Variants in PDILT observed in about 807,000 individuals in gnomAD.
The protein encoded by PDILT is protein disulfide isomerase like, testis expressed.
PDILT carries 43 observed loss-of-function variants against 53.7 expected under a neutral mutation model. That is an observed-to-expected ratio of 0.80 (90% confidence interval 0.63 to 1.03). The LOEUF (loss-of-function observed/expected upper bound fraction) is 1.03, where lower values mean the gene tolerates loss of function less well. Ranked by LOEUF, PDILT falls within the 50% of genes least tolerant of loss-of-function variation. The pLI, the probability that PDILT is intolerant of heterozygous loss-of-function variation, is 0.00. For synonymous variants in PDILT, 282 were observed against 274.2 expected (o/e 1.03, Z -0.28); for missense variants, 727 against 712.3 (o/e 1.02, Z -0.24).
intron 9 of PDILT, among the ~76,000 whole-genome samples, chr16:20,364,119 T>A (rs1471088238): frequency 6.6e-6 from 1 of 152,240 alleles, no homozygotes; most frequent in African/African-American, 2.4e-5. Flanking sequence ...GGGGGCATAA[T>A]GGCTGCAGCC....
intron 9 of PDILT, among the ~76,000 whole-genome samples, chr16:20,365,190 C>T (rs1966171314): frequency 6.6e-6 from 1 of 152,126 alleles, no homozygotes; most frequent in African/African-American, 2.4e-5. Context: ...CAGCCATAGG[C>T]CTGGGTTATG....
chr16:20,401,482 G>A (rs1192463264), intron 1 of PDILT, among the ~76,000 whole-genome samples: 1 of 152,112 alleles, frequency 6.6e-6, no homozygotes, highest in Non-Finnish European at 1.5e-5. Flanking sequence ...GGTAGGGAGG[G>A]TCACCCAGAA....
intron 8 of PDILT, among the ~76,000 whole-genome samples, chr16:20,366,314 G>T (rs1966191099): frequency 6.6e-6 from 1 of 151,938 alleles, no homozygotes; most frequent in East Asian, 1.9e-4. Flanking sequence ...CTGGCTGACA[G>T]GCCTCCCCAC....
In PDILT at chr16:20,402,115, A is replaced by G. The variant is rs555626987; in HGVS notation, c.-8+2381T>C. Among the ~76,000 whole-genome samples the G allele has an allele frequency of 5.9e-4, 90 of 152,334 alleles. No individual in the cohort carries two copies. In the South Asian group the frequency reaches 0.01, roughly 17 times the overall value. ...TCAAATATTTTTGAAGTCTTAAAAC[A>G]TGTTAAGTACCATTCTAGGTGCTAG... On this transcript the variant is annotated intron_variant, in intron 1 of 11. Transcript: ENST00000302451.
intron 10 of PDILT, 100 bp from the exon 11 acceptor site, chr16:20,360,757 C>T: frequency 1.2e-6 from 1 of 832,814 alleles, no homozygotes; most frequent in African/African-American, 1.7e-5. Flanking sequence ...TCCTAACAAC[C>T]CCGGGTATGT....
chr16:20,366,483 C>T (rs752684037), intron 8 of PDILT, among the ~76,000 whole-genome samples: 14 of 152,108 alleles, frequency 9.2e-5, no homozygotes, highest in East Asian at 1.9e-4. Context: ...CACTTATTCA[C>T]GTTTACTATT....
In PDILT at chr16:20,359,576, G is replaced by T; in HGVS notation, c.1507-9C>A. ...TGCTCAACAGACAACAGCTATGAAA[G>T]CAAAGGTGGAAGGAAGAAGGGAGGG... On this transcript the variant is annotated splice_polypyrimidine_tract_variant and intron_variant, in intron 11 of 11. Coordinates refer to ENST00000302451, the MANE Select transcript of PDILT (RefSeq NM_174924.2). The T allele has an allele frequency of 6.2e-7, 1 of 1,611,434 alleles. No individual in the cohort carries two copies. The highest frequency in any genetic ancestry group is 8.5e-7 in the Non-Finnish European group (1 of 1,177,904).
At chr16:20,385,338 G>A (rs183450166) in intron 2 of PDILT, among the ~76,000 whole-genome samples, 21 of 152,200 alleles carry the variant, frequency 1.4e-4, no homozygotes, top group South Asian at 1.0e-3. Flanking sequence ...ACTTACTTGC[G>A]CAAAGCCCTG....
chr16:20,399,347 A>G (rs9928648), intron 1 of PDILT, 40 bp from the exon 2 acceptor site: 469,967 of 1,596,570 alleles, frequency 0.29, 71,462 homozygotes, highest in African/African-American at 0.43. Context: ...TTATCAACAC[A>G]GGTGGTGGAG....
Position 20,394,334 on chromosome 16 carries a change from C to T in PDILT, c.202+4765G>A, listed in dbSNP as rs529438468. Among the ~76,000 whole-genome samples, 204 of 152,330 alleles carry T rather than the reference C, an allele frequency of 1.3e-3. 2 individuals carry two copies. The highest frequency in any genetic ancestry group is 0.013 in the East Asian group (66 of 5,190). ...CCAGGCTGCCTCTCAGCCTGCCCAG[C>T]TTTGAGTTGTTTCTGAACAAAGGTC... On this transcript the variant is annotated intron_variant, in intron 2 of 11. Coordinates refer to ENST00000302451, the MANE Select transcript of PDILT (RefSeq NM_174924.2).
At chr16:20,404,019 A>AT (rs2141628773) in intron 1 of PDILT, among the ~76,000 whole-genome samples, 1 of 152,134 alleles carries the variant, frequency 6.6e-6, no homozygotes, top group South Asian at 2.1e-4. Flanking sequence ...TTTGCATCAT[A>AT]TTTTGTATTA....
At chr16:20,371,209 G>A (rs1567322644) in intron 7 of PDILT, among the ~76,000 whole-genome samples, 1 of 152,182 alleles carries the variant, frequency 6.6e-6, no homozygotes, top group East Asian at 1.9e-4. Flanking sequence ...GAGGTCAGAG[G>A]TCCAGTAAGG....
At chr16:20,367,206 G>A (rs952603289) in intron 8 of PDILT, among the ~76,000 whole-genome samples, 11 of 151,722 alleles carry the variant, frequency 7.3e-5, no homozygotes, top group African/African-American at 2.4e-4. Flanking sequence ...GAGTTGAAGC[G>A]ATTCTCCTGC....
At chr16:20,362,265 A>G (rs1050655375) in intron 10 of PDILT, 139 bp downstream of exon 10, 2 of 877,212 alleles carry the variant, frequency 2.3e-6, no homozygotes, top group Non-Finnish European at 3.4e-6. Flanking sequence ...TTTGAACTTG[A>G]ATGTGAGAGG....
Position 20,373,089 on chromosome 16 carries a change from C to T in PDILT, c.715G>A (p.Asp239Asn). 6.2e-7 allele frequency: 1 copy of T among 1,614,100 alleles called. No individual in the cohort carries two copies. Among genetic ancestry groups the T allele is most frequent in the South Asian group, 1.1e-5 (1 of 91,080 alleles). ...KIVNRQKLINDSTNKQELNRV... is the reference protein window; with the variant it reads ...KIVNRQKLINNSTNKQELNRV... ...TTGAGTTCCTGTTTGTTGGTACTGT[C>T]ATTAATAAGCTTTTGGCGGTTCACA... The change falls in exon 6 of 12, where the codon GAC becomes AAC. Residue 239 changes from aspartate to asparagine, a missense_variant. Coordinates refer to ENST00000302451, the MANE Select transcript of PDILT (RefSeq NM_174924.2).
chr16:20,359,421 G>A lies in PDILT; in HGVS notation c.1653C>T (p.Pro551=), dbSNP rs369605247. 2.8e-5 allele frequency: 45 copies of A among 1,613,950 alleles called. No individual in the cohort carries two copies. In the Middle Eastern group the frequency reaches 8.2e-4, roughly 29 times the overall value. ...CCTCAGATGTTTTCTTCTTCCCAGC[G>A]GGCTCTTCCAGCTTGGATACGTACT... is the stretch of plus-strand genomic sequence containing the variant. ...MTKYVSKLEE[P]AGKKKTSEEV... is the part of the protein sequence containing the mutation. The change falls in exon 12 of 12, where the codon CCC becomes CCT. Residue 551 remains proline (P), a synonymous_variant. Coordinates refer to ENST00000302451, the MANE Select transcript of PDILT (RefSeq NM_174924.2).
Position 20,362,595 on chromosome 16 carries a change from G to T in PDILT, c.1238-13C>A. 6.2e-7 allele frequency: 1 copy of T among 1,613,744 alleles called. No individual in the cohort carries two copies. The highest frequency in any genetic ancestry group is 2.2e-5 in the East Asian group (1 of 44,872). ...GACCAGGGTGCATCTGGAAGAGAAG[G>T]TCCATGGCTCAGGCTCACATTGATG... On this transcript the variant is annotated splice_polypyrimidine_tract_variant and intron_variant, in intron 9 of 11. Transcript: ENST00000302451.
intron 2 of PDILT, among the ~76,000 whole-genome samples, chr16:20,391,720 A>G (rs1002669787): frequency 1.3e-5 from 2 of 152,088 alleles, no homozygotes; most frequent in Non-Finnish European, 2.9e-5. Flanking sequence ...CATGCAATGT[A>G]CACGATGAAA....
At chr16:20,372,983 C>G (rs370107138) in intron 6 of PDILT, 29 bp downstream of exon 6, 32 of 1,613,432 alleles carry the variant, frequency 2.0e-5, no homozygotes, top group Non-Finnish European at 2.5e-5. Context: ...CCCAGCTCCC[C>G]TTCCTCCGGG....
Sources: gnomAD v4.1 joint callset for allele counts (sites outside exome capture counted in the v4.1 genomes callset) on GRCh38, gnomAD v4.1.1 for gene constraint, MANE v1.5 for transcripts, NCBI Gene and HGNC (gene_info 2026-07-23, HGNC 2026-07-21) for gene names.